Variants in SOX5 observed in about 807,000 individuals in gnomAD.
The protein encoded by SOX5 is transcription factor SOX-5.
Under a neutral mutation model 92.0 loss-of-function variants are expected in SOX5, and 9 were observed. The observed-to-expected ratio is 0.10, with a 90% CI of 0.06 to 0.17. The LOEUF is 0.17. SOX5 is among the 10% of genes least tolerant of loss of function. The pLI is 1.00. For synonymous variants in SOX5, 344 were observed against 336.3 expected (o/e 1.02, Z -0.25); for missense variants, 642 against 944.5 (o/e 0.68, Z 4.20).
At chr12:24,104,855 A>G (rs1340082183) in intron 4 of SOX5, among the ~76,000 whole-genome samples, 1 of 152,216 alleles carries the variant, frequency 6.6e-6, no homozygotes, top group African/African-American at 2.4e-5. Context: ...CGACAGCCAA[A>G]CAATTTGGAA....
At chr12:24,488,184 T>A (rs1175439829) in intron 1 of SOX5, among the ~76,000 whole-genome samples, 2 of 137,772 alleles carry the variant, frequency 1.5e-5, no homozygotes, top group Non-Finnish European at 3.0e-5. Context: ...TTACTTAAGG[T>A]TAAAAAAAAT....
intron 2 of SOX5, among the ~76,000 whole-genome samples, chr12:24,300,309 C>T (rs1169369977): frequency 6.6e-6 from 1 of 152,154 alleles, no homozygotes; most frequent in South Asian, 2.1e-4. Context: ...TCAGCTATAT[C>T]TGCATTAACT....
At chr12:23,884,920 C>G (rs1427179416) in intron 2 of SOX5, among the ~76,000 whole-genome samples, 1 of 152,204 alleles carries the variant, frequency 6.6e-6, no homozygotes, top group East Asian at 1.9e-4. Flanking sequence ...TGACTGAAAT[C>G]TTCCATATTT....
chr12:23,554,902 C>A (rs1248123820), intron 11 of SOX5, among the ~76,000 whole-genome samples: 4 of 151,966 alleles, frequency 2.6e-5, no homozygotes, highest in Non-Finnish European at 4.4e-5. Context: ...ATTTCAGTGT[C>A]TTCATTGTAA....
At chr12:24,156,967 T>G (rs961542151) in intron 4 of SOX5, among the ~76,000 whole-genome samples, 2 of 152,134 alleles carry the variant, frequency 1.3e-5, no homozygotes, top group African/African-American at 4.8e-5. Flanking sequence ...ATAGGACATA[T>G]TCTGTTTTAT....
intron 8 of SOX5, among the ~76,000 whole-genome samples, chr12:23,638,787 G>C (rs2079615289): frequency 6.6e-6 from 1 of 151,630 alleles, no homozygotes; most frequent in Non-Finnish European, 1.5e-5. Context: ...AAGCACCCTA[G>C]CAAAAGTGAG....
At chr12:24,121,849 G>A (rs565800528) in intron 4 of SOX5, among the ~76,000 whole-genome samples, 4 of 128,162 alleles carry the variant, frequency 3.1e-5, no homozygotes, top group Admixed American at 2.0e-4. Context: ...TCGTGCCACT[G>A]CACTCTAGCC....
intron 6 of SOX5, among the ~76,000 whole-genome samples, chr12:23,680,614 C>A (rs2139794070): frequency 6.6e-6 from 1 of 151,910 alleles, no homozygotes; most frequent in African/African-American, 2.4e-5. Context: ...TGACTGATAA[C>A]TTTTCTGAAT....
At chr12:23,839,114 G>T (rs1449112544) in intron 3 of SOX5, among the ~76,000 whole-genome samples, 1 of 151,814 alleles carries the variant, frequency 6.6e-6, no homozygotes, top group African/African-American at 2.4e-5. Context: ...CTCTCAGAGT[G>T]CTGGGATTAC....
At chr12:23,999,820 T>G (rs536116578) in intron 4 of SOX5, among the ~76,000 whole-genome samples, 1 of 152,046 alleles carries the variant, frequency 6.6e-6, no homozygotes, top group South Asian at 2.1e-4. Flanking sequence ...TGTTTCCAGG[T>G]GAACAAATAA....
At chr12:23,741,938 A>C (rs1413318169) in intron 4 of SOX5, among the ~76,000 whole-genome samples, 1 of 152,192 alleles carries the variant, frequency 6.6e-6, no homozygotes, top group East Asian at 1.9e-4. Flanking sequence ...TGTGCTGTTC[A>C]CTGAAAAGGA....
exon 2 of SOX5, chr12:24,368,610 T>A (rs913943003): frequency 2.6e-5 from 4 of 152,218 alleles, no homozygotes; most frequent in Non-Finnish European, 4.4e-5. Flanking sequence ...TTTTTCATCA[T>A]CTTTGGGTCA....
chr12:23,567,823 G>A (rs1249581368), intron 10 of SOX5, among the ~76,000 whole-genome samples: 1 of 151,924 alleles, frequency 6.6e-6, no homozygotes, highest in Admixed American at 6.6e-5. Flanking sequence ...CAAAATTTCT[G>A]TTTTTCTTAA....
intron 3 of SOX5, among the ~76,000 whole-genome samples, chr12:24,261,599 G>A (rs1010407112): frequency 6.6e-6 from 1 of 152,142 alleles, no homozygotes; most frequent in East Asian, 1.9e-4. Context: ...AAAATCAATG[G>A]CACCTCACTA....
Position 23,970,841 on chromosome 12 carries a change from A to ATATATATATATTTTTTT in SOX5, c.-1-74818_-1-74817insAAAAAAATATATATATA. 1.2e-3 allele frequency among the ~76,000 whole-genome samples: 27 copies of ATATATATATATTTTTTT among 21,880 alleles called. 5 individuals carry two copies. The highest frequency in any genetic ancestry group is 6.1e-3 in the East Asian group (7 of 1,156). The allele number at this position is 21,880 out of a possible 152,430, so 14.4% of individuals were successfully genotyped here. A position where few individuals can be genotyped will look rare whatever the true frequency, so the allele number is the denominator to read the frequency against. Reference sequence around the variant, plus strand: ...ACATGGGACTTTATATATATATATAATTTTTTTTTTTTTTTAAGAAATGGG... The same window carrying ATATATATATATTTTTTT: ...ACATGGGACTTTATATATATATATAATATATATATATTTTTTTTTTTTTTTTTTTTTTAAGAAATGGG... On this transcript the variant is annotated intron_variant, in intron 4 of 4. Transcript: ENST00000446891.
chr12:24,511,829 G>C (rs991487895), intron 1 of SOX5, among the ~76,000 whole-genome samples: 6 of 151,834 alleles, frequency 4.0e-5, no homozygotes, highest in Non-Finnish European at 8.8e-5. Context: ...GTGGTGGCGG[G>C]TGCCTGTAGT....
chr12:24,057,527 C>G (rs560336322), intron 4 of SOX5, among the ~76,000 whole-genome samples: 1 of 152,080 alleles, frequency 6.6e-6, no homozygotes, highest in East Asian at 1.9e-4. Flanking sequence ...ATGATGTAAT[C>G]GTTTTGTTTT....
intron 1 of SOX5, among the ~76,000 whole-genome samples, chr12:24,381,214 C>G (rs1477595451): frequency 1.3e-5 from 2 of 152,046 alleles, no homozygotes; most frequent in African/African-American, 4.8e-5. Context: ...ACCAAAACAA[C>G]AAAACAATAA....
At chr12:24,098,623 G>C (rs984496411) in intron 4 of SOX5, among the ~76,000 whole-genome samples, 1 of 152,098 alleles carries the variant, frequency 6.6e-6, no homozygotes, top group African/African-American at 2.4e-5. Flanking sequence ...AATAAATCTA[G>C]AATAAGAACA....
Sources: allele counts gnomAD v4.1 joint callset (sites outside exome capture counted in the v4.1 genomes callset), GRCh38; gene constraint gnomAD v4.1.1; transcripts MANE v1.5; gene names NCBI Gene and HGNC (gene_info 2026-07-23, HGNC 2026-07-21).